Variants in NEK10 observed in about 807,000 individuals in gnomAD.
The protein encoded by NEK10 is serine/threonine-protein kinase Nek10.
Under a neutral mutation model 159.8 loss-of-function variants are expected in NEK10, and 122 were observed. The observed-to-expected ratio is 0.76, with a 90% CI of 0.66 to 0.89. NEK10 has a LOEUF of 0.89. Ranked by LOEUF, NEK10 falls within the 40% of genes least tolerant of loss-of-function variation. The pLI, the probability that NEK10 is intolerant of heterozygous loss-of-function variation, is 0.00. For synonymous variants in NEK10, 466 were observed against 457.1 expected (o/e 1.02, Z -0.25); for missense variants, 1,342 against 1,323.1 (o/e 1.01, Z -0.22).
chr3:27,362,817 C>A (rs180893036), intron 1 of NEK10, among the ~76,000 whole-genome samples: 1 of 151,922 alleles, frequency 6.6e-6, no homozygotes, highest in Non-Finnish European at 1.5e-5. Flanking sequence ...ACTGCCAACG[C>A]CCTAGTCCAA....
At chr3:27,182,528 T>C (rs1477580521) in intron 26 of NEK10, among the ~76,000 whole-genome samples, 5 of 152,036 alleles carry the variant, frequency 3.3e-5, no homozygotes, top group African/African-American at 1.2e-4. Context: ...CTATAATGAA[T>C]AGTATGGAGT....
At chr3:27,156,755 G>T (rs1156527633) in intron 30 of NEK10, among the ~76,000 whole-genome samples, 2 of 150,906 alleles carry the variant, frequency 1.3e-5, no homozygotes, top group African/African-American at 4.9e-5. Flanking sequence ...ATTCCTTAAA[G>T]AACTAAAAGT....
intron 1 of NEK10, among the ~76,000 whole-genome samples, chr3:27,357,951 C>T (rs189100668): frequency 1.3e-5 from 2 of 152,344 alleles, no homozygotes; most frequent in East Asian, 3.9e-4. Context: ...AGCAATCTTA[C>T]TTCTCTGGGG....
In NEK10 at chr3:27,256,290, C is replaced by T. The variant is rs369815849; in HGVS notation, c.2090+6G>A. The T allele has an allele frequency of 2.7e-5, 39 of 1,440,782 alleles. No individual in the cohort carries two copies. In the African/African-American group the frequency reaches 4.6e-4, roughly 17 times the overall value. 89.2% of individuals were successfully genotyped at this position (1,440,782 alleles called of 1,614,324 possible). On this transcript the variant is annotated splice_donor_region_variant and intron_variant, in intron 23 of 35. Transcript: ENST00000691995. Reference sequence around the variant, plus strand: ...TGTTTGAGAGCCATAAAAGAATTGTCCTTACCAAGAATACAGGATTGTTCC... The same window carrying T: ...TGTTTGAGAGCCATAAAAGAATTGTTCTTACCAAGAATACAGGATTGTTCC...
intron 5 of NEK10, among the ~76,000 whole-genome samples, chr3:27,334,428 A>C (rs2046649585): frequency 6.6e-6 from 1 of 152,216 alleles, no homozygotes; most frequent in Non-Finnish European, 1.5e-5. Context: ...TGGAGGCCCA[A>C]GAATAGACCC....
intron 19 of NEK10, 36 bp from the exon 20 acceptor site, chr3:27,287,779 G>T (rs369257180): frequency 2.0e-6 from 3 of 1,487,912 alleles, no homozygotes; most frequent in East Asian, 2.6e-5. Context: ...GTATTGCACT[G>T]CTTCAAAATA....
intron 23 of NEK10, among the ~76,000 whole-genome samples, chr3:27,214,096 A>C (rs932928064): frequency 6.6e-6 from 1 of 152,238 alleles, no homozygotes; most frequent in Non-Finnish European, 1.5e-5. Flanking sequence ...CAGGTCTTAG[A>C]TAATATCAGT....
chr3:27,290,128 T>A (rs1283583993), intron 19 of NEK10, among the ~76,000 whole-genome samples: 1 of 152,222 alleles, frequency 6.6e-6, no homozygotes, highest in East Asian at 1.9e-4. Context: ...GAGAGTTAAT[T>A]GAGCTGTTAC....
chr3:27,297,270 T>C (rs1261180622), intron 13 of NEK10, 30 bp from the exon 14 acceptor site: 2 of 1,489,850 alleles, frequency 1.3e-6, no homozygotes, highest in Admixed American at 1.7e-5. Context: ...ATGCATAGTG[T>C]GCATCATTAC....
At chr3:27,116,199 A>C in intron 33 of NEK10, 72 bp from the exon 34 acceptor site, 1 of 1,398,040 alleles carries the variant, frequency 7.2e-7, no homozygotes, top group Non-Finnish European at 1.0e-6. Flanking sequence ...ACTGGCAATT[A>C]TGACTTCAAC....
chr3:27,300,821 CAG>C (rs1438916786), intron 13 of NEK10, among the ~76,000 whole-genome samples: 1 of 152,210 alleles, frequency 6.6e-6, no homozygotes, highest in African/African-American at 2.4e-5. Context: ...TGTACTGAGA[CAG>C]GGGCCTTTCA....
At chr3:27,271,193 A>G (rs796984962) in intron 22 of NEK10, among the ~76,000 whole-genome samples, 3 of 151,388 alleles carry the variant, frequency 2.0e-5, no homozygotes, top group Non-Finnish European at 4.4e-5. Context: ...CTATCTATCT[A>G]TCTACCTATC....
chr3:27,351,906 C>T (rs2047996868), intron 3 of NEK10, among the ~76,000 whole-genome samples: 1 of 151,836 alleles, frequency 6.6e-6, no homozygotes. Context: ...GGTGCAAAAC[C>T]AAAATGAAAA....
At chr3:27,137,849 G>A (rs888473589) in intron 31 of NEK10, among the ~76,000 whole-genome samples, 1 of 152,216 alleles carries the variant, frequency 6.6e-6, no homozygotes, top group African/African-American at 2.4e-5. Context: ...CCAGGCTAAA[G>A]GGAAAGCAAG....
chr3:27,180,903 C>T lies in NEK10; in HGVS notation c.2506-6070G>A, dbSNP rs138568995. ...AGCCTAGTGGTGCCACCTTGGCTTG[C>T]TCAGAACTCATATTACTCAAGTGCA... On this transcript the variant is annotated intron_variant, in intron 26 of 35. Transcript: ENST00000691995. 7.2e-3 allele frequency among the ~76,000 whole-genome samples: 1,092 copies of T among 152,180 alleles called. 9 individuals carry two copies. The highest frequency in any genetic ancestry group is 8.3e-3 in the Non-Finnish European group (564 of 68,010).
intron 30 of NEK10, among the ~76,000 whole-genome samples, chr3:27,153,319 C>CA (rs34333130): frequency 0.075 from 6,759 of 90,384 alleles, 222 homozygotes; most frequent in South Asian, 0.13. Context: ...GACTCCATCT[C>CA]AAAAAAAAAA....
At chr3:27,290,794 G>A in intron 18 of NEK10, 40 bp from the exon 19 acceptor site, 2 of 1,484,342 alleles carry the variant, frequency 1.3e-6, no homozygotes, top group Non-Finnish European at 1.8e-6. Flanking sequence ...AAAGGAACAG[G>A]GTAAAGAAGG....
chr3:27,246,689 A>G (rs28852451), intron 23 of NEK10, among the ~76,000 whole-genome samples: 2 of 151,836 alleles, frequency 1.3e-5, no homozygotes, highest in Non-Finnish European at 2.9e-5. Context: ...CAATCCCCCC[A>G]ACCCCTGCCC....
chr3:27,123,684 T>C (rs748674848), intron 32 of NEK10, among the ~76,000 whole-genome samples: 1 of 152,094 alleles, frequency 6.6e-6, no homozygotes, highest in Non-Finnish European at 1.5e-5. Context: ...TCTAAATGCA[T>C]TGAAAGACAG....
Sources: allele counts gnomAD v4.1 joint callset (sites outside exome capture counted in the v4.1 genomes callset), GRCh38; gene constraint gnomAD v4.1.1; transcripts MANE v1.5; gene names NCBI Gene and HGNC (gene_info 2026-07-23, HGNC 2026-07-21).